The following HDAC9 variants were observed in gnomAD, a reference collection of about 807,000 sequenced individuals.
HDAC9 encodes the protein histone deacetylase 9.
A neutral mutation model predicts 139.4 loss-of-function variants in HDAC9; 41 were observed. The ratio of observed to expected loss-of-function variants is 0.29; its 90% CI spans 0.23 to 0.38. The LOEUF is 0.38. Among genes scored for constraint, HDAC9 ranks in the 10% least tolerant of loss-of-function variants. The pLI, the probability that HDAC9 is intolerant of heterozygous loss-of-function variation, is 1.00. For missense variants in HDAC9, 1,147 were observed against 1,297.0 expected, an observed-to-expected ratio of 0.88 and a Z score of 1.78; for synonymous variants, 517 against 476.2, an observed-to-expected ratio of 1.09 and a Z score of -1.12.
At chr7:18,912,018 G>A (rs985633181) in intron 22 of HDAC9, among the ~76,000 whole-genome samples, 1 of 151,950 alleles carries the variant, frequency 6.6e-6, no homozygotes, top group Non-Finnish European at 1.5e-5. Context: ...GTCTAGTGTA[G>A]ATTAAATCCA....
intron 1 of HDAC9, among the ~76,000 whole-genome samples, chr7:18,451,791 G>C (rs1459080903): frequency 1.3e-5 from 2 of 151,962 alleles, no homozygotes; most frequent in East Asian, 3.9e-4. Context: ...AGAACAGGCG[G>C]CACATTTTAG....
chr7:18,216,816 T>G (rs1792348527), intron 2 of HDAC9, among the ~76,000 whole-genome samples: 1 of 152,182 alleles, frequency 6.6e-6, no homozygotes, highest in Admixed American at 6.6e-5. Context: ...TTTTCAGGTT[T>G]TAGTGTCAGG....
In HDAC9 at chr7:18,629,459, G is replaced by C. The variant is rs1181444955; in HGVS notation, c.774G>C (p.Lys258Asn). 1 of 1,612,176 alleles carries C rather than the reference G, an allele frequency of 6.2e-7. No homozygotes were observed. The highest frequency in any genetic ancestry group is 1.3e-5 in the African/African-American group (1 of 74,872). ...RKDGNVVTSFKKRMFEVTESS... is the reference protein window; with the variant it reads ...RKDGNVVTSFNKRMFEVTESS... ...ATGGAAATGTTGTCACTTCATTCAA[G>C]AAGCGAATGTTTGAGGTGACAGGTA... The change falls in exon 7 of 26, where the codon AAG becomes AAC. Residue 258 changes from lysine to asparagine, a missense_variant. Around this residue, in one of 7 missense-constraint regions of HDAC9, gnomAD observed 264 missense variants for 273.8 expected, o/e 0.96. Transcript: ENST00000686413.
chr7:18,564,323 G>A (rs1821578210), intron 2 of HDAC9, among the ~76,000 whole-genome samples: 1 of 152,152 alleles, frequency 6.6e-6, no homozygotes, highest in Non-Finnish European at 1.5e-5. Flanking sequence ...TACTAACCCA[G>A]TAAGAGCTTT....
chr7:18,762,696 C>T (rs567956809), intron 15 of HDAC9, among the ~76,000 whole-genome samples: 2 of 152,250 alleles, frequency 1.3e-5, no homozygotes, highest in African/African-American at 4.8e-5. Context: ...GGAAATAGTA[C>T]AACTTGTATT....
chr7:18,368,776 TCCTA>T (rs68021615), intron 1 of HDAC9, among the ~76,000 whole-genome samples: 37,264 of 151,586 alleles, frequency 0.25, 4,728 homozygotes, highest in East Asian at 0.36. Flanking sequence ...ATACAGAAAT[TCCTA>T]CCTAAGTAGT....
At chr7:18,885,736 G>A (rs906392536) in intron 22 of HDAC9, among the ~76,000 whole-genome samples, 1 of 151,920 alleles carries the variant, frequency 6.6e-6, no homozygotes, top group East Asian at 1.9e-4. Flanking sequence ...AATATTTTTC[G>A]AAAAGAAAAT....
At chr7:18,276,522 T>G in intron 2 of HDAC9, among the ~76,000 whole-genome samples, 1 of 152,230 alleles carries the variant, frequency 6.6e-6, no homozygotes, top group East Asian at 1.9e-4. Context: ...AGGAGTGTTC[T>G]GAGCTGTGAT....
chr7:18,591,420 A>G (rs1830908497), intron 4 of HDAC9, 96 bp from the exon 5 acceptor site: 1 of 1,412,052 alleles, frequency 7.1e-7, no homozygotes, highest in South Asian at 1.6e-5. Context: ...TTTGTCAAAT[A>G]TTCTAGAGGC....
rs147153648 is a variant in HDAC9 at position 18,682,192 on chromosome 7, A to G, written c.1731+15716A>G. Among the ~76,000 whole-genome samples, 6 of 152,140 alleles carry G rather than the reference A, an allele frequency of 3.9e-5. No individual in the cohort carries two copies. The East Asian group carries it at 9.7e-4, about 25-fold the overall frequency. ...AAGTATAAATCTTACTTACAAACCT[A>G]TGATCTGCATAGATTTTGCATTTTG... is the stretch of plus-strand genomic sequence containing the variant. On this transcript the variant is annotated intron_variant, in intron 12 of 25. Transcript: ENST00000686413.
intron 1 of HDAC9, among the ~76,000 whole-genome samples, chr7:18,135,631 C>G (rs1785348905): frequency 7.4e-6 from 1 of 135,576 alleles, no homozygotes; most frequent in Non-Finnish European, 1.5e-5. Flanking sequence ...AGGACATGAA[C>G]TCATCATTTT....
At chr7:18,279,480 T>G (rs74621931) in intron 2 of HDAC9, among the ~76,000 whole-genome samples, 1 of 151,756 alleles carries the variant, frequency 6.6e-6, no homozygotes, top group Non-Finnish European at 1.5e-5. Flanking sequence ...ACTTTTTTTT[T>G]GAGGCAAAGT....
chr7:18,855,014 A>G (rs1797572535), intron 21 of HDAC9, among the ~76,000 whole-genome samples: 1 of 152,118 alleles, frequency 6.6e-6, no homozygotes. Flanking sequence ...ATATAATGGG[A>G]AAATGGATGC....
intron 13 of HDAC9, among the ~76,000 whole-genome samples, chr7:18,741,708 T>C (rs212677): frequency 0.97 from 147,543 of 152,280 alleles, 71,503 homozygotes; most frequent in East Asian, 1. Flanking sequence ...AGTGATTCCC[T>C]TGATGGGTCT....
intron 2 of HDAC9, among the ~76,000 whole-genome samples, chr7:18,272,958 A>ACTG (rs1796458226): frequency 1.0e-5 from 1 of 99,812 alleles, no homozygotes; most frequent in African/African-American, 3.4e-5. Flanking sequence ...TACTACTACT[A>ACTG]CTACTACTAT....
intron 12 of HDAC9, among the ~76,000 whole-genome samples, chr7:18,725,537 C>G (rs1009945752): frequency 1.3e-5 from 2 of 152,004 alleles, no homozygotes; most frequent in African/African-American, 4.8e-5. Flanking sequence ...AGAATTCTTG[C>G]AGGAAGGAAT....
intron 12 of HDAC9, among the ~76,000 whole-genome samples, chr7:18,701,219 A>AAAACAACT (rs1243586116): frequency 1.1e-4 from 17 of 152,230 alleles, no homozygotes; most frequent in African/African-American, 4.1e-4. Context: ...AACAAACAAG[A>AAAACAACT]AAACAACTCT....
At position 18,294,513 on chromosome 7, in the gene HDAC9, G is replaced by A. The variant is rs139505756; in HGVS notation, c.-42+3998G>A. Among the ~76,000 whole-genome samples the A allele has an allele frequency of 1.0e-3, 155 of 152,208 alleles. 1 individual carries two copies. Among genetic ancestry groups the A allele is most frequent in the African/African-American group, 3.6e-3 (150 of 41,542 alleles). ...TAGATGCTTCTAGTCACAGGGAACT[G>A]GATATGACAAAATGGAAAATAGTTT... is the stretch of plus-strand genomic sequence containing the variant. On this transcript the variant is annotated intron_variant, in intron 1 of 3. Coordinates refer to the HDAC9 transcript ENST00000413509.
At chr7:18,659,279 G>A (rs1053454968) in intron 11 of HDAC9, among the ~76,000 whole-genome samples, 2 of 152,212 alleles carry the variant, frequency 1.3e-5, no homozygotes, top group East Asian at 1.9e-4. Context: ...TTACACAGAG[G>A]TGAACTTAAA....
Sources: allele counts gnomAD v4.1 joint callset (sites outside exome capture counted in the v4.1 genomes callset), GRCh38; gene constraint gnomAD v4.1.1; regional missense constraint gnomAD v4.1.1; transcripts MANE v1.5; gene names NCBI Gene and HGNC (gene_info 2026-07-23, HGNC 2026-07-21).